MICAL2: variants seen among roughly 807,000 people sequenced by gnomAD.
MICAL2 encodes microtubule associated monooxygenase, calponin and LIM domain containing 2.
A neutral mutation model predicts 127.3 loss-of-function variants in MICAL2; 77 were observed. That is an observed-to-expected ratio of 0.60 (90% confidence interval 0.50 to 0.73). The LOEUF (loss-of-function observed/expected upper bound fraction) is 0.73, where lower values mean the gene tolerates loss of function less well. MICAL2 is among the 30% of genes least tolerant of loss of function. MICAL2 has a pLI of 0.00. For synonymous variants in MICAL2, 570 were observed against 551.1 expected (o/e 1.03, Z -0.48); for missense variants, 1,351 against 1,434.4 (o/e 0.94, Z 0.94).
intron 2 of MICAL2, among the ~76,000 whole-genome samples, chr11:12,156,819 TA>T (rs1854236888): frequency 6.6e-6 from 1 of 152,232 alleles, no homozygotes; most frequent in Non-Finnish European, 1.5e-5. Context: ...CAGATGGCCA[TA>T]ACTGAAGGTC....
In MICAL2 at chr11:12,221,646, A is replaced by T. The variant is rs772225480; in HGVS notation, c.1209A>T (p.Pro403=). Residue 403 remains proline, a splice_region_variant and synonymous_variant, in exon 10 of 28, where the codon CCA becomes CCT. Coordinates refer to ENST00000683283, the MANE Select transcript of MICAL2 (RefSeq NM_001282663.2). ...VALVGDSLLE[P]FWPMGTGCAR... is the part of the protein sequence containing the mutation. ...ATTTTGCACGTTTTCTTTTGCAGCC[A>T]TTTTGGCCCATGGGTACAGGCTGTG... 1 of 1,605,450 alleles carries T rather than the reference A, an allele frequency of 6.2e-7. No homozygotes were observed. The highest frequency in any genetic ancestry group is 1.7e-5 in the Admixed American group (1 of 58,542).
chr11:12,208,623 A>G (rs1338198396), intron 5 of MICAL2, among the ~76,000 whole-genome samples: 1 of 152,260 alleles, frequency 6.6e-6, no homozygotes, highest in African/African-American at 2.4e-5. Flanking sequence ...TTGAGGTATC[A>G]TTTATAAACT....
At chr11:12,301,108 A>T (rs1864041505) in intron 29 of MICAL2, among the ~76,000 whole-genome samples, 1 of 152,196 alleles carries the variant, frequency 6.6e-6, no homozygotes, top group Admixed American at 6.6e-5. Context: ...GATGTGAAAG[A>T]GTAAACCCCT....
chr11:12,180,349 A>ATATATATATATATATTTTT (rs11403732), intron 3 of MICAL2, among the ~76,000 whole-genome samples: 4 of 139,676 alleles, frequency 2.9e-5, no homozygotes, highest in Non-Finnish European at 4.7e-5. Context: ...ATATGTATAT[A>ATATATATATATATATTTTT]TTTTTTTTTT....
Position 12,262,234 on chromosome 11 carries a change from G to A in MICAL2, c.3335-246G>A, listed in dbSNP as rs552028785. 97 of 1,387,362 alleles carry A rather than the reference G, an allele frequency of 7.0e-5. No homozygotes were observed. In the African/African-American group the frequency reaches 1.3e-3, roughly 19 times the overall value. The allele number at this position is 1,387,362 out of a possible 1,614,324, so 85.9% of individuals were successfully genotyped here. On this transcript the variant is annotated intron_variant, in intron 26 of 27. Coordinates refer to ENST00000683283, the MANE Select transcript of MICAL2 (RefSeq NM_001282663.2). Reference sequence around the variant, plus strand: ...GCTAGAGTAAAATGGGGGCAGAGAGGATATCAGGGAGCAAGATGCAAACTG... The same window carrying A: ...GCTAGAGTAAAATGGGGGCAGAGAGAATATCAGGGAGCAAGATGCAAACTG...
At chr11:12,221,608 A>C in intron 9 of MICAL2, 36 bp from the exon 10 acceptor site, 1 of 1,456,120 alleles carries the variant, frequency 6.9e-7, no homozygotes, top group Non-Finnish European at 9.6e-7. Flanking sequence ...GGGAGTCATC[A>C]GAATCAACTG....
At chr11:12,321,961 A>G (rs1223040053) in intron 30 of MICAL2, among the ~76,000 whole-genome samples, 1 of 152,010 alleles carries the variant, frequency 6.6e-6, no homozygotes, top group Non-Finnish European at 1.5e-5. Context: ...GGCACAAGGA[A>G]AGGCAGTATA....
At chr11:12,299,743 G>T (rs1864025661) in intron 29 of MICAL2, among the ~76,000 whole-genome samples, 1 of 152,070 alleles carries the variant, frequency 6.6e-6, no homozygotes. Context: ...TTTGCAAAAT[G>T]CACATTTGTG....
Position 12,208,034 on chromosome 11 carries a change from C to G in MICAL2, c.484C>G (p.Leu162Val). The G allele has an allele frequency of 6.2e-7, 1 of 1,614,100 alleles. No individual in the cohort carries two copies. The highest frequency in any genetic ancestry group is 8.5e-7 in the Non-Finnish European group (1 of 1,179,926). ...GSIDHISIRQ[L>V]QLILFKVALM... ...TTCCTGCCTGACAGGTATTCGCCAA[C>G]TACAGCTCATCCTATTCAAGGTGGC... Residue 162 changes from leucine to valine, a missense_variant, in exon 5 of 28, where the codon CTA becomes GTA. Physicochemically the swap from Leu to Val is conservative, Grantham distance 32 (BLOSUM62 1). Transcript: ENST00000683283.
At chr11:12,188,200 G>T (rs1056497988) in intron 3 of MICAL2, among the ~76,000 whole-genome samples, 1 of 152,212 alleles carries the variant, frequency 6.6e-6, no homozygotes, top group African/African-American at 2.4e-5. Context: ...ATATTTTATC[G>T]ATACTTTTTA....
chr11:12,342,573 T>C (rs1438325139), intron 32 of MICAL2, among the ~76,000 whole-genome samples: 1 of 152,164 alleles, frequency 6.6e-6, no homozygotes, highest in Non-Finnish European at 1.5e-5. Flanking sequence ...AATGGCAAGG[T>C]AGGTGTGGTA....
chr11:12,245,262 C>T (rs983848669), intron 21 of MICAL2, among the ~76,000 whole-genome samples: 5 of 151,936 alleles, frequency 3.3e-5, no homozygotes, highest in African/African-American at 4.8e-5. Flanking sequence ...ACAGCCAGTG[C>T]GTCTGGCTCC....
intron 26 of MICAL2, 165 bp from the exon 27 acceptor site, chr11:12,262,315 C>G: frequency 2.0e-6 from 3 of 1,474,736 alleles, no homozygotes; most frequent in Non-Finnish European, 2.7e-6. Context: ...GTTCATCTCT[C>G]CTAAGCAAAC....
chr11:12,139,727 T>C (rs992899082), intron 2 of MICAL2, among the ~76,000 whole-genome samples: 4 of 152,200 alleles, frequency 2.6e-5, no homozygotes, highest in African/African-American at 9.6e-5. Context: ...CTGTCCCCTC[T>C]CTGGAGAAAC....
chr11:12,355,653 A>G (rs1291241608), intron 34 of MICAL2, among the ~76,000 whole-genome samples: 3 of 152,334 alleles, frequency 2.0e-5, no homozygotes, highest in African/African-American at 7.2e-5. Flanking sequence ...AGGCATTATT[A>G]TCACTGATTT....
intron 32 of MICAL2, among the ~76,000 whole-genome samples, chr11:12,349,653 A>G (rs547963571): frequency 1.3e-5 from 2 of 152,146 alleles, no homozygotes; most frequent in Non-Finnish European, 2.9e-5. Flanking sequence ...ACACGTACCC[A>G]CAGCATGCAC....
rs548656891 is a variant in MICAL2, at chr11:12,218,545, AG to A, written c.949-1649del. Among the ~76,000 whole-genome samples, 305 of 152,246 alleles carry A rather than the reference AG, an allele frequency of 2.0e-3. 2 individuals are homozygous for A. Among genetic ancestry groups the A allele is most frequent in the Admixed American group, 3.1e-3 (48 of 15,296 alleles). On this transcript the variant is annotated intron_variant, in intron 8 of 27. Transcript: ENST00000683283. The stretch of plus-strand genomic sequence containing the variant: ...TAGGGATGCTTGGGTCATATTTTGA[AG>A]GGGGGGTGTTTGAGACCTCTCCCTT...
chr11:12,353,762 A>G lies in MICAL2; in HGVS notation c.5616-1022A>G, dbSNP rs7939009. Among the ~76,000 whole-genome samples, 376 of 151,940 alleles carry G rather than the reference A, an allele frequency of 2.5e-3. 1 individual carries two copies. Among genetic ancestry groups the G allele is most frequent in the African/African-American group, 8.8e-3 (365 of 41,422 alleles). On this transcript the variant is annotated intron_variant, in intron 33 of 34. Coordinates refer to the MICAL2 transcript ENST00000646065. The stretch of plus-strand genomic sequence containing the variant: ...GAGCCCCCAGCACTCAAGCCTGACC[A>G]CCCCAAAGCATCACTGACTCTTTCC...
intron 33 of MICAL2, among the ~76,000 whole-genome samples, chr11:12,352,443 G>A (rs559896369): frequency 6.6e-6 from 1 of 152,344 alleles, no homozygotes; most frequent in Admixed American, 6.5e-5. Flanking sequence ...CTGCCTGAGA[G>A]TCAGGGAGGC....
Sources: gnomAD v4.1 joint callset for allele counts (sites outside exome capture counted in the v4.1 genomes callset) on GRCh38, gnomAD v4.1.1 for gene constraint, MANE v1.5 for transcripts, NCBI Gene and HGNC (gene_info 2026-07-23, HGNC 2026-07-21) for gene names.